The following GALNT14 variants were observed in gnomAD, a reference collection of about 807,000 sequenced individuals.
The protein encoded by GALNT14 is UDP-GalNAc:polypeptide N-acetylgalactosaminyltransferase 14.
Under a neutral mutation model 77.5 loss-of-function variants are expected in GALNT14, and 60 were observed. The ratio of observed to expected loss-of-function variants is 0.77; its 90% CI spans 0.63 to 0.96. GALNT14 has a LOEUF of 0.96. Among genes scored for constraint, GALNT14 ranks in the 40% least tolerant of loss-of-function variants. The probability of loss-of-function intolerance (pLI) is 0.00; values close to 1 mark genes in which losing one functional copy is unlikely to be tolerated. For missense variants in GALNT14, 710 were observed against 731.0 expected, an observed-to-expected ratio of 0.97 and a Z score of 0.33; for synonymous variants, 280 against 281.7, an observed-to-expected ratio of 0.99 and a Z score of 0.06.
chr2:31,136,712 T>C (rs1266219082), intron 1 of GALNT14, among the ~76,000 whole-genome samples: 1 of 152,178 alleles, frequency 6.6e-6, no homozygotes, highest in Non-Finnish European at 1.5e-5. Context: ...CTTGATATAC[T>C]GGAAACCCTG....
At chr2:31,073,740 TA>T (rs1369856047) in intron 1 of GALNT14, among the ~76,000 whole-genome samples, 3 of 152,336 alleles carry the variant, frequency 2.0e-5, no homozygotes, top group Admixed American at 6.5e-5. Context: ...CATTTTATTG[TA>T]AGTGTGGCAA....
chr2:31,069,058 G>T (rs746277767), intron 1 of GALNT14, among the ~76,000 whole-genome samples: 15 of 152,186 alleles, frequency 9.9e-5, no homozygotes, highest in Non-Finnish European at 1.9e-4. Flanking sequence ...GGTCAAAGAT[G>T]TTCTAAAATT....
chr2:31,033,886 AAC>A (rs1285925189), intron 1 of GALNT14, among the ~76,000 whole-genome samples: 2 of 152,190 alleles, frequency 1.3e-5, no homozygotes, highest in Non-Finnish European at 2.9e-5. Flanking sequence ...TCAGAAACTG[AAC>A]TCATGATGAC....
chr2:31,014,544 T>C (rs1296916106), intron 1 of GALNT14, among the ~76,000 whole-genome samples: 1 of 152,190 alleles, frequency 6.6e-6, no homozygotes, highest in Non-Finnish European at 1.5e-5. Flanking sequence ...ATCCAGCTGC[T>C]TGCCAGTGGA....
At chr2:31,016,144 A>C (rs1376414670) in intron 1 of GALNT14, among the ~76,000 whole-genome samples, 2 of 152,228 alleles carry the variant, frequency 1.3e-5, no homozygotes, top group Non-Finnish European at 1.5e-5. Context: ...GGACGCTGGC[A>C]GTCCAAGATC....
Position 31,018,158 on chromosome 2 carries a change from C to A in GALNT14, c.130-25151G>T, listed in dbSNP as rs192986590. Among the ~76,000 whole-genome samples, 102 of 152,354 alleles carry A rather than the reference C, an allele frequency of 6.7e-4. 2 individuals carry two copies. The highest frequency in any genetic ancestry group is 2.4e-3 in the African/African-American group (99 of 41,588). On this transcript the variant is annotated intron_variant, in intron 1 of 14. Transcript: ENST00000349752. ...GCAAGAAGGGTGAGACAGAGGCTCG[C>A]AGATTTAACACAAACAGGGCAGCAG...
the GALNT14 span, among the ~76,000 whole-genome samples, chr2:30,893,329 A>G: frequency 6.6e-6 from 1 of 152,202 alleles, no homozygotes. Flanking sequence ...TGTTATTATG[A>G]CATGTTGGAA....
At chr2:31,005,256 C>T (rs765440659) in intron 1 of GALNT14, among the ~76,000 whole-genome samples, 2 of 152,146 alleles carry the variant, frequency 1.3e-5, no homozygotes, top group Middle Eastern at 3.2e-3. Context: ...GCCCCAAGAG[C>T]TTCTGTGTTG....
At chr2:31,048,535 T>C (rs1207071011) in intron 1 of GALNT14, among the ~76,000 whole-genome samples, 5 of 151,960 alleles carry the variant, frequency 3.3e-5, no homozygotes. Context: ...GATAGATTCT[T>C]GGGAGCAAAA....
At chr2:31,099,065 T>C (rs1677138095) in intron 1 of GALNT14, among the ~76,000 whole-genome samples, 3 of 152,138 alleles carry the variant, frequency 2.0e-5, no homozygotes, top group Admixed American at 1.3e-4. Context: ...GAATTTATTC[T>C]AATTCTACAA....
intron 1 of GALNT14, among the ~76,000 whole-genome samples, chr2:31,098,987 A>T (rs1355085669): frequency 6.6e-6 from 1 of 152,070 alleles, no homozygotes; most frequent in Non-Finnish European, 1.5e-5. Context: ...TTGCTGTGTC[A>T]GGGGTGGCAG....
At chr2:30,938,359 TACAC>T (rs151007812) in intron 9 of GALNT14, among the ~76,000 whole-genome samples, 99 of 140,970 alleles carry the variant, frequency 7.0e-4, no homozygotes, top group Non-Finnish European at 1.2e-3. Context: ...AGATTCCTTT[TACAC>T]ACACACACAC....
chr2:30,988,108 C>T (rs951666148), intron 2 of GALNT14, among the ~76,000 whole-genome samples: 3 of 152,170 alleles, frequency 2.0e-5, no homozygotes, highest in Admixed American at 6.5e-5. Flanking sequence ...CCTTGCTACA[C>T]GTAAAGCAGG....
intron 1 of GALNT14, among the ~76,000 whole-genome samples, chr2:31,045,250 G>A (rs1026726264): frequency 2.0e-5 from 3 of 152,152 alleles, no homozygotes; most frequent in African/African-American, 4.8e-5. Context: ...TCAGAATCAA[G>A]AGACCAGCTG....
chr2:31,090,916 A>T (rs1268153116), intron 1 of GALNT14, among the ~76,000 whole-genome samples: 1 of 152,198 alleles, frequency 6.6e-6, no homozygotes, highest in Non-Finnish European at 1.5e-5. Context: ...AGTGTTTTAC[A>T]AAGTGAGTAC....
chr2:31,112,078 G>T (rs1354207515), intron 1 of GALNT14, among the ~76,000 whole-genome samples: 1 of 148,128 alleles, frequency 6.8e-6, no homozygotes, highest in Admixed American at 6.8e-5. Flanking sequence ...CATTTCAATT[G>T]CCAATGCCAT....
chr2:31,007,441 C>T (rs988699144), intron 1 of GALNT14, among the ~76,000 whole-genome samples: 7 of 152,180 alleles, frequency 4.6e-5, no homozygotes, highest in Non-Finnish European at 7.3e-5. Context: ...AAATGACACG[C>T]GTGTCACCAA....
In GALNT14 at chr2:30,924,132, T is replaced by A; in HGVS notation, c.1367A>T (p.Asp456Val). 6.2e-7 allele frequency: 1 copy of A among 1,614,246 alleles called. No homozygotes were observed. Among genetic ancestry groups the A allele is most frequent in the Non-Finnish European group, 8.5e-7 (1 of 1,180,056 alleles). ...LSPCAKVKGE[D>V]AKSQVWAFTY... ...CAGTTACTTTACCTGGGACTTTGCA[T>A]CTTCGCCTTTGACCTTGGCACAGGG... The change falls in exon 13 of 15, where the codon GAT becomes GTT. Residue 456 changes from aspartate to valine, a missense_variant. Coordinates refer to ENST00000349752, the MANE Select transcript of GALNT14 (RefSeq NM_024572.4).
At chr2:31,126,005 T>C (rs1260953977) in intron 1 of GALNT14, among the ~76,000 whole-genome samples, 2 of 152,218 alleles carry the variant, frequency 1.3e-5, no homozygotes, top group East Asian at 3.8e-4. Flanking sequence ...AGACTTCCTT[T>C]TTTAAAGTTT....
Sources: allele counts gnomAD v4.1 joint callset (sites outside exome capture counted in the v4.1 genomes callset), GRCh38; gene constraint gnomAD v4.1.1; transcripts MANE v1.5; gene names NCBI Gene and HGNC (gene_info 2026-07-23, HGNC 2026-07-21).